CERS6: variants seen among roughly 807,000 people sequenced by gnomAD.
CERS6 encodes the protein ceramide synthase 6.
A neutral mutation model predicts 56.8 loss-of-function variants in CERS6; 26 were observed. The ratio of observed to expected loss-of-function variants is 0.46; its 90% CI spans 0.34 to 0.63. The LOEUF is 0.63. Among genes scored for constraint, CERS6 ranks in the 30% least tolerant of loss-of-function variants. The pLI, the probability that CERS6 is intolerant of heterozygous loss-of-function variation, is 0.01. For missense variants in CERS6, 415 were observed against 467.5 expected, an observed-to-expected ratio of 0.89 and a Z score of 1.04; for synonymous variants, 164 against 173.3, an observed-to-expected ratio of 0.95 and a Z score of 0.42.
intron 8 of CERS6, among the ~76,000 whole-genome samples, chr2:168,744,410 C>T (rs973494277): frequency 5.9e-5 from 9 of 152,036 alleles, no homozygotes; most frequent in African/African-American, 2.2e-4. Flanking sequence ...GAACACACTG[C>T]CCCCATTTTG....
intron 1 of CERS6, among the ~76,000 whole-genome samples, chr2:168,506,935 A>G (rs1694688565): frequency 6.6e-6 from 1 of 152,180 alleles, no homozygotes; most frequent in Non-Finnish European, 1.5e-5. Context: ...TGATTTCAAA[A>G]CGATTTCAAA....
chr2:168,513,226 A>G (rs1369692949), intron 1 of CERS6, among the ~76,000 whole-genome samples: 1 of 152,184 alleles, frequency 6.6e-6, no homozygotes, highest in Admixed American at 6.5e-5. Flanking sequence ...TTATCCTTCT[A>G]ATTATTTCCT....
intron 8 of CERS6, among the ~76,000 whole-genome samples, chr2:168,763,395 C>T (rs746055634): frequency 6.6e-5 from 10 of 151,744 alleles, no homozygotes; most frequent in Non-Finnish European, 1.3e-4. Flanking sequence ...CAGGCACACA[C>T]CAGCACACTC....
At chr2:168,551,993 A>T (rs532259762) in intron 2 of CERS6, among the ~76,000 whole-genome samples, 1 of 152,262 alleles carries the variant, frequency 6.6e-6, no homozygotes, top group African/African-American at 2.4e-5. Context: ...TGCTTAAGCC[A>T]TGGGGGTGAG....
intron 1 of CERS6, among the ~76,000 whole-genome samples, chr2:168,543,771 T>C (rs1157846202): frequency 6.6e-6 from 1 of 151,814 alleles, no homozygotes; most frequent in Non-Finnish European, 1.5e-5. Context: ...ATGGGTTATG[T>C]TGAAAAAGAG....
At chr2:168,681,757 T>G (rs1686222228) in intron 4 of CERS6, among the ~76,000 whole-genome samples, 1 of 152,170 alleles carries the variant, frequency 6.6e-6, no homozygotes, top group African/African-American at 2.4e-5. Context: ...AGCTATATTT[T>G]GTATCCACTA....
intron 5 of CERS6, among the ~76,000 whole-genome samples, chr2:168,693,150 G>C (rs1170381333): frequency 2.6e-5 from 4 of 152,164 alleles, no homozygotes; most frequent in Admixed American, 6.5e-5. Context: ...TTGGACATGA[G>C]ATACCCTAGT....
intron 1 of CERS6, among the ~76,000 whole-genome samples, chr2:168,482,455 T>C (rs1041123634): frequency 3.9e-5 from 6 of 152,338 alleles, no homozygotes; most frequent in South Asian, 2.1e-4. Flanking sequence ...GAATGTTGGC[T>C]TCCCAGAAAA....
At chr2:168,509,584 A>G (rs894601326) in intron 1 of CERS6, among the ~76,000 whole-genome samples, 8 of 152,210 alleles carry the variant, frequency 5.3e-5, no homozygotes, top group South Asian at 2.1e-4. Flanking sequence ...GTCTTCATCT[A>G]TGAATGGGAA....
intron 8 of CERS6, among the ~76,000 whole-genome samples, chr2:168,751,204 T>C (rs1435012804): frequency 6.6e-6 from 1 of 152,172 alleles, no homozygotes; most frequent in East Asian, 1.9e-4. Flanking sequence ...TGGAAACTTA[T>C]TTACTGCAAT....
chr2:168,727,547 C>CAAA (rs1210219437), intron 8 of CERS6, among the ~76,000 whole-genome samples: 1 of 87,542 alleles, frequency 1.1e-5, no homozygotes, highest in Non-Finnish European at 2.4e-5. Flanking sequence ...GACTCCATCT[C>CAAA]AAAAAAAAAA....
Position 168,761,046 on chromosome 2 carries a change from C to T in CERS6, c.846-4546C>T, listed in dbSNP as rs376008469. Among the ~76,000 whole-genome samples the T allele has an allele frequency of 6.9e-4, 105 of 152,266 alleles. 1 individual carries two copies. Among genetic ancestry groups the T allele is most frequent in the East Asian group, 2.3e-3 (12 of 5,176 alleles). On this transcript the variant is annotated intron_variant, in intron 8 of 9. Transcript: ENST00000305747. ...TGCTGGGATTATAGGCGTGAGCCAC[C>T]GCGCCCGGCCGGGTTTACTGTTTAT...
chr2:168,587,153 G>A (rs1479600633), intron 3 of CERS6, among the ~76,000 whole-genome samples: 1 of 151,956 alleles, frequency 6.6e-6, no homozygotes, highest in African/African-American at 2.4e-5. Context: ...CAGCTGGGCT[G>A]AGCGATAGAG....
chr2:168,502,760 CT>C (rs1178987367), intron 1 of CERS6, among the ~76,000 whole-genome samples: 2 of 152,232 alleles, frequency 1.3e-5, no homozygotes, highest in African/African-American at 4.8e-5. Context: ...GTAGTTCCCC[CT>C]GTTGGGCAGA....
At chr2:168,710,389 T>C (rs16855717) in intron 6 of CERS6, among the ~76,000 whole-genome samples, 9,419 of 152,276 alleles carry the variant, frequency 0.062, 459 homozygotes, top group African/African-American at 0.12. Context: ...GTGGAAAATA[T>C]TGTTCTTTTT....
chr2:168,551,154 G>T (rs1219431279), intron 2 of CERS6, among the ~76,000 whole-genome samples: 3 of 152,190 alleles, frequency 2.0e-5, no homozygotes, highest in African/African-American at 4.8e-5. Flanking sequence ...CTGAATGGGG[G>T]TCCCTGTGTG....
chr2:168,462,786 G>T (rs1248914865), intron 1 of CERS6, among the ~76,000 whole-genome samples: 1 of 151,962 alleles, frequency 6.6e-6, no homozygotes, highest in Non-Finnish European at 1.5e-5. Flanking sequence ...CTCCCATTTC[G>T]ACCTCCCAAA....
intron 6 of CERS6, among the ~76,000 whole-genome samples, chr2:168,714,469 A>C (rs537083036): frequency 6.6e-6 from 1 of 152,232 alleles, no homozygotes; most frequent in Non-Finnish European, 1.5e-5. Context: ...AATCATTAGT[A>C]GTCAGAGAAG....
chr2:168,535,157 C>T (rs1439072693), intron 1 of CERS6, among the ~76,000 whole-genome samples: 1 of 152,214 alleles, frequency 6.6e-6, no homozygotes, highest in East Asian at 1.9e-4. Context: ...CAGTGTGAGT[C>T]CCAGTGCTGG....
Sources: gnomAD v4.1 joint callset for allele counts (sites outside exome capture counted in the v4.1 genomes callset) on GRCh38, gnomAD v4.1.1 for gene constraint, MANE v1.5 for transcripts, NCBI Gene and HGNC (gene_info 2026-07-23, HGNC 2026-07-21) for gene names.